The following TMC1 variants were observed in gnomAD, a reference collection of about 807,000 sequenced individuals.
TMC1 encodes the protein transmembrane channel like 1, also known as transmembrane channel-like protein 1.
In TMC1, 84 loss-of-function variants were observed where a neutral mutation model predicts 105.8. The ratio of observed to expected loss-of-function variants is 0.79; its 90% CI spans 0.67 to 0.95. The LOEUF is 0.95. Among genes scored for constraint, TMC1 ranks in the 40% least tolerant of loss-of-function variants. TMC1 has a pLI of 0.00. For synonymous variants in TMC1, 315 were observed against 311.5 expected, an observed-to-expected ratio of 1.01 and a Z score of -0.12; for missense variants, 817 against 914.1, an observed-to-expected ratio of 0.89 and a Z score of 1.37.
At chr9:72,743,581 AG>A (rs1427323002) in intron 10 of TMC1, among the ~76,000 whole-genome samples, 2,283 of 122,380 alleles carry the variant, frequency 0.019, 32 homozygotes, top group Non-Finnish European at 0.028. Context: ...AAAAAAAAAA[AG>A]AAAGAAAGAA....
intron 1 of TMC1, among the ~76,000 whole-genome samples, chr9:72,547,499 A>G (rs1370257427): frequency 6.6e-6 from 1 of 152,142 alleles, no homozygotes; most frequent in East Asian, 1.9e-4. Flanking sequence ...CAGCATTGCC[A>G]TGTCCTTGGT....
At chr9:72,822,311 G>A (rs1160888106) in intron 20 of TMC1, among the ~76,000 whole-genome samples, 1 of 152,186 alleles carries the variant, frequency 6.6e-6, no homozygotes, top group Non-Finnish European at 1.5e-5. Flanking sequence ...CCTCCATTAT[G>A]TTGTCAGACC....
intron 5 of TMC1, among the ~76,000 whole-genome samples, chr9:72,654,441 G>A (rs1825855683): frequency 6.6e-6 from 1 of 152,022 alleles, no homozygotes; most frequent in Admixed American, 6.5e-5. Flanking sequence ...TTCCTTTAGA[G>A]TAAGTATTTT....
intron 8 of TMC1, among the ~76,000 whole-genome samples, chr9:72,719,636 A>G (rs993640198): frequency 4.6e-5 from 7 of 152,186 alleles, no homozygotes; most frequent in African/African-American, 1.7e-4. Context: ...CAGTTCTTGG[A>G]ACAAAAGTTC....
rs565783640 is a variant in TMC1, at chr9:72,653,373, A to C, written c.16+4709A>C. ...GCTTTCAGGATTCCTCTGAAGTGGCAGCACTCCTTGGGTTTGAAATGTTCG... is the reference window on the plus strand; with the variant it reads ...GCTTTCAGGATTCCTCTGAAGTGGCCGCACTCCTTGGGTTTGAAATGTTCG... On this transcript the variant is annotated intron_variant, in intron 5 of 23. Transcript: ENST00000297784. Among the ~76,000 whole-genome samples the C allele has an allele frequency of 5.3e-5, 8 of 152,316 alleles. No individual in the cohort carries two copies. In the South Asian group the frequency reaches 1.7e-3, roughly 32 times the overall value.
rs370112649 is a variant in TMC1, at chr9:72,774,019, C to A, written c.884+1464C>A. Among the ~76,000 whole-genome samples, 4 of 152,084 alleles carry A rather than the reference C, an allele frequency of 2.6e-5. No individual in the cohort carries two copies. The East Asian group carries it at 7.7e-4, about 29-fold the overall frequency. ...GAGAAAATTATTCAACAAATGTTAA[C>A]AATTTTATTAGGCTATATTTTATTA... is the stretch of plus-strand genomic sequence containing the variant. On this transcript the variant is annotated intron_variant, in intron 13 of 23. Coordinates refer to ENST00000297784, the MANE Select transcript of TMC1 (RefSeq NM_138691.3).
chr9:72,776,844 A>G (rs1249174121), intron 13 of TMC1, among the ~76,000 whole-genome samples: 1 of 151,836 alleles, frequency 6.6e-6, no homozygotes, highest in Non-Finnish European at 1.5e-5. Flanking sequence ...ATGTGGATTC[A>G]TCTATATTGA....
chr9:72,803,112 G>A (rs1828504820), intron 17 of TMC1, among the ~76,000 whole-genome samples: 2 of 152,112 alleles, frequency 1.3e-5, no homozygotes, highest in Non-Finnish European at 2.9e-5. Context: ...TGACAAACTT[G>A]ACAAAAACAA....
chr9:72,807,011 C>T (rs948775179), intron 18 of TMC1, among the ~76,000 whole-genome samples: 12 of 152,214 alleles, frequency 7.9e-5, no homozygotes, highest in African/African-American at 2.7e-4. Context: ...TCTGCAATCC[C>T]GGCACCTCGG....
intron 5 of TMC1, among the ~76,000 whole-genome samples, chr9:72,666,153 C>T (rs567832517): frequency 5.3e-5 from 8 of 152,106 alleles, no homozygotes; most frequent in South Asian, 4.2e-4. Context: ...GCGTGGCTTA[C>T]GCCAGTAATC....
chr9:72,572,456 ACT>A lies in TMC1; in HGVS notation c.-427-5441_-427-5440del, dbSNP rs577855852. ...GCAATTTGCCCGCCTTGGCCTCCAA[ACT>A]CTCTTTATTTTTTAGATATTGTTAA... On this transcript the variant is annotated intron_variant, in intron 1 of 23. Transcript: ENST00000297784. Among the ~76,000 whole-genome samples the A allele has an allele frequency of 4.4e-3, 668 of 151,952 alleles. 1 individual carries two copies. Among genetic ancestry groups the A allele is most frequent in the African/African-American group, 6.4e-3 (265 of 41,456 alleles).
chr9:72,529,665 C>T (rs1165320825), intron 1 of TMC1, among the ~76,000 whole-genome samples: 2 of 149,258 alleles, frequency 1.3e-5, no homozygotes, highest in Non-Finnish European at 1.5e-5. Flanking sequence ...TCTTGTTTCT[C>T]TGTTTTTTTT....
chr9:72,540,085 G>T (rs1277789969), intron 1 of TMC1, among the ~76,000 whole-genome samples: 1 of 152,068 alleles, frequency 6.6e-6, no homozygotes, highest in Non-Finnish European at 1.5e-5. Context: ...TTGAGAACTC[G>T]CTCACTCCCA....
At chr9:72,608,246 A>G (rs901139288) in intron 2 of TMC1, among the ~76,000 whole-genome samples, 1 of 152,226 alleles carries the variant, frequency 6.6e-6, no homozygotes, top group Non-Finnish European at 1.5e-5. Context: ...CATCGGCCTG[A>G]GTTCACTCAT....
rs745500816 is a variant in TMC1 at position 72,752,014 on chromosome 9, A to AT, written c.642+61dup. ...TGAAAAATGTTTCTCCTAGAAAAGTATTTATCTCTTCTTTAAAGTAGAATA... is the reference window on the plus strand; with the variant it reads ...TGAAAAATGTTTCTCCTAGAAAAGTATTTTATCTCTTCTTTAAAGTAGAATA... On this transcript the variant is annotated intron_variant, in intron 11 of 23. Transcript: ENST00000297784. The AT allele has an allele frequency of 3.7e-5, 40 of 1,080,518 alleles. 1 individual carries two copies. The highest frequency in any genetic ancestry group is 5.6e-5 in the Non-Finnish European group (39 of 697,812). The allele number at this position is 1,080,518 out of a possible 1,614,324, so 66.9% of individuals were successfully genotyped here.
intron 2 of TMC1, among the ~76,000 whole-genome samples, chr9:72,601,560 G>T (rs1417661576): frequency 6.6e-6 from 1 of 152,132 alleles, no homozygotes; most frequent in Non-Finnish European, 1.5e-5. Context: ...CCAGAGAATC[G>T]CTTGAACCCA....
Position 72,543,367 on chromosome 9 carries a change from G to A in TMC1, c.-428+21454G>A, listed in dbSNP as rs551132536. On this transcript the variant is annotated intron_variant, in intron 1 of 23. Coordinates refer to ENST00000297784, the MANE Select transcript of TMC1 (RefSeq NM_138691.3). ...TTCCCATCTCCCCTGCTACTAGTCT[G>A]TCCAGAGCTACAACCACTTCCCTTA... Among the ~76,000 whole-genome samples, 7 of 152,252 alleles carry A rather than the reference G, an allele frequency of 4.6e-5. No homozygotes were observed. The South Asian group carries it at 1.5e-3, about 32-fold the overall frequency.
At chr9:72,564,519 A>C (rs542379964) in intron 1 of TMC1, among the ~76,000 whole-genome samples, 1 of 152,340 alleles carries the variant, frequency 6.6e-6, no homozygotes, top group East Asian at 1.9e-4. Flanking sequence ...AAAAATATAC[A>C]CACTATAAAC....
intron 5 of TMC1, among the ~76,000 whole-genome samples, chr9:72,678,769 C>T (rs972324119): frequency 6.6e-6 from 1 of 151,982 alleles, no homozygotes; most frequent in African/African-American, 2.4e-5. Context: ...CCACTTTTCA[C>T]TTTGATGTTC....
Sources: allele counts gnomAD v4.1 joint callset (sites outside exome capture counted in the v4.1 genomes callset), GRCh38; gene constraint gnomAD v4.1.1; transcripts MANE v1.5; gene names NCBI Gene and HGNC (gene_info 2026-07-23, HGNC 2026-07-21).